ATRX: variants seen among roughly 807,000 people sequenced by gnomAD.
ATRX encodes the protein chromatin remodeler ATRX.
A neutral mutation model predicts 172.6 loss-of-function variants in ATRX; 12 were observed. The ratio of observed to expected loss-of-function variants is 0.07; its 90% confidence interval spans 0.04 to 0.11. The LOEUF is 0.11. ATRX is among the 10% of genes least tolerant of loss of function. ATRX has a pLI of 1.00. For synonymous variants in ATRX, 674 were observed against 594.7 expected (o/e 1.13, Z -1.94); for missense variants, 1,368 against 1,767.4 (o/e 0.77, Z 4.05).
intron 1 of ATRX, among the ~76,000 whole-genome samples, chrX:77,776,866 T>C (rs1557202566): frequency 9.0e-6 from 1 of 111,515 alleles, no homozygotes; most frequent in Admixed American, 9.6e-5. Flanking sequence ...TGCATGTATT[T>C]CTATGCAGCT....
At chrX:77,678,550 G>A (rs1466558835) in intron 9 of ATRX, among the ~76,000 whole-genome samples, 6 of 112,042 alleles carry the variant, frequency 5.4e-5, no homozygotes, top group African/African-American at 1.9e-4. Flanking sequence ...GCAGTGGCGC[G>A]ATCGTGGCTC....
At chrX:77,518,546 G>A (rs1164274540) in intron 34 of ATRX, among the ~76,000 whole-genome samples, 1 of 111,619 alleles carries the variant, frequency 9.0e-6, no homozygotes, top group African/African-American at 3.3e-5. Context: ...TTCATGGATT[G>A]GATAAATTAA....
At chrX:77,726,394 G>A (rs1235037400) in intron 1 of ATRX, among the ~76,000 whole-genome samples, 2 of 101,786 alleles carry the variant, frequency 2.0e-5, no homozygotes, top group African/African-American at 7.3e-5. Flanking sequence ...AACACCGCAT[G>A]TTCTCACTCA....
At chrX:77,610,889 A>G (rs2067125193) in intron 22 of ATRX, among the ~76,000 whole-genome samples, 1 of 108,465 alleles carries the variant, frequency 9.2e-6, no homozygotes, top group African/African-American at 3.3e-5. Context: ...ACAACAAGTA[A>G]CAGTTCACTT....
At chrX:77,655,083 A>G (rs1440333721) in intron 13 of ATRX, among the ~76,000 whole-genome samples, 1 of 111,368 alleles carries the variant, frequency 9.0e-6, no homozygotes, top group Non-Finnish European at 1.9e-5. Context: ...TTCCTAGAGT[A>G]GTAAAATTCA....
intron 19 of ATRX, among the ~76,000 whole-genome samples, chrX:77,631,369 A>G (rs965603086): frequency 9.0e-6 from 1 of 110,923 alleles, no homozygotes; most frequent in Non-Finnish European, 1.9e-5. Flanking sequence ...TATAGGAGAT[A>G]CAGCTTAATT....
intron 22 of ATRX, 133 bp downstream of exon 22, chrX:77,616,480 T>G: frequency 8.5e-7 from 1 of 1,179,219 alleles, no homozygotes; most frequent in Non-Finnish European, 1.1e-6. Flanking sequence ...ATTTTATGCT[T>G]TTAAGCATAC....
At chrX:77,597,568 T>A (rs1225340412) in intron 25 of ATRX, among the ~76,000 whole-genome samples, 3 of 108,415 alleles carry the variant, frequency 2.8e-5, no homozygotes, top group African/African-American at 1.0e-4. Context: ...ACAATGAATA[T>A]CCAGAATCTA....
rs1557096955 is a variant in ATRX, at chrX:77,616,601, T to G, written c.5566+12A>C. 8.6e-7 allele frequency: 1 copy of G among 1,156,293 alleles called. No homozygotes were observed. The highest frequency in any genetic ancestry group is 1.2e-6 in the Non-Finnish European group (1 of 845,310). On this transcript the variant is annotated intron_variant, in intron 22 of 34. Coordinates refer to ENST00000373344, the MANE Select transcript of ATRX (RefSeq NM_000489.6). ...TATAGAGAAGATGAAATCAACAAGGTGTATTGTTTACCTGTTAAGTGATCT... is the reference window on the plus strand; with the variant it reads ...TATAGAGAAGATGAAATCAACAAGGGGTATTGTTTACCTGTTAAGTGATCT...
At chrX:77,708,491 T>C (rs1322250153) in intron 2 of ATRX, among the ~76,000 whole-genome samples, 2 of 110,740 alleles carry the variant, frequency 1.8e-5, no homozygotes, top group Non-Finnish European at 3.8e-5. Context: ...CAAAACCCTG[T>C]CTCTACTAAA....
intron 10 of ATRX, among the ~76,000 whole-genome samples, chrX:77,670,136 A>C (rs1159721743): frequency 3.6e-5 from 4 of 112,015 alleles, no homozygotes; most frequent in Non-Finnish European, 5.6e-5. Flanking sequence ...GGTTTGAAGA[A>C]AATTGCTGGA....
intron 22 of ATRX, among the ~76,000 whole-genome samples, chrX:77,610,806 C>T (rs2207846): frequency 0.059 from 6,312 of 107,886 alleles, 488 homozygotes; most frequent in African/African-American, 0.2. Flanking sequence ...TGGTGATATA[C>T]CATAATATAA....
chrX:77,661,622 C>G (rs1222927303), intron 12 of ATRX, among the ~76,000 whole-genome samples: 2 of 110,939 alleles, frequency 1.8e-5, no homozygotes, highest in Non-Finnish European at 3.8e-5. Flanking sequence ...CAAAATTTAC[C>G]CCTAGTCATC....
At chrX:77,776,973 G>C (rs1185880537) in intron 1 of ATRX, among the ~76,000 whole-genome samples, 4 of 110,040 alleles carry the variant, frequency 3.6e-5, no homozygotes, top group African/African-American at 1.3e-4. Flanking sequence ...AGGCTTTGTG[G>C]GCTACTAGGT....
At chrX:77,622,398 T>C (rs782376802) in intron 19 of ATRX, among the ~76,000 whole-genome samples, 1 of 111,135 alleles carries the variant, frequency 9.0e-6, no homozygotes, top group South Asian at 3.8e-4. Context: ...TTCCTGACTT[T>C]AGCTGGAGTT....
intron 19 of ATRX, among the ~76,000 whole-genome samples, chrX:77,626,172 A>G (rs922321634): frequency 1.9e-5 from 2 of 102,958 alleles, no homozygotes; most frequent in Non-Finnish European, 2.0e-5. Context: ...TTCTAAGTGA[A>G]GTAACTCAGG....
intron 2 of ATRX, among the ~76,000 whole-genome samples, chrX:77,706,047 T>C (rs781893386): frequency 1.6e-4 from 17 of 109,260 alleles, no homozygotes; most frequent in Non-Finnish European, 2.9e-4. Flanking sequence ...GGTGCAGTGG[T>C]ACAATCATGG....
intron 22 of ATRX, among the ~76,000 whole-genome samples, chrX:77,602,042 C>T (rs970138701): frequency 1.8e-5 from 2 of 111,886 alleles, no homozygotes; most frequent in African/African-American, 6.5e-5. Flanking sequence ...CTTACACTGT[C>T]ACCCAGGCTG....
At chrX:77,658,747 G>A (rs143128086) in intron 12 of ATRX, among the ~76,000 whole-genome samples, 1 of 111,329 alleles carries the variant, frequency 9.0e-6, no homozygotes, top group East Asian at 2.8e-4. Flanking sequence ...TGGCCCACAG[G>A]TGCAGTTTGT....
Sources: gnomAD v4.1 joint callset for allele counts (sites outside exome capture counted in the v4.1 genomes callset) on GRCh38, gnomAD v4.1.1 for gene constraint, MANE v1.5 for transcripts, NCBI Gene and HGNC (gene_info 2026-07-23, HGNC 2026-07-21) for gene names.